Variants in SLC2A14 observed in about 807,000 individuals in gnomAD.
SLC2A14 encodes the protein solute carrier family 2 member 14, also known as solute carrier family 2, facilitated glucose transporter member 14.
A neutral mutation model predicts 43.0 loss-of-function variants in SLC2A14; 13 were observed. The ratio of observed to expected loss-of-function variants is 0.30; its 90% CI spans 0.20 to 0.48. The LOEUF is 0.48. Among genes scored for constraint, SLC2A14 ranks in the 20% least tolerant of loss-of-function variants. The probability of loss-of-function intolerance (pLI) is 0.99; values close to 1 mark genes in which losing one functional copy is unlikely to be tolerated. For synonymous variants in SLC2A14, 190 were observed against 233.8 expected (o/e 0.81, Z 1.71); for missense variants, 428 against 620.4 (o/e 0.69, Z 3.29).
intron 2 of SLC2A14, among the ~76,000 whole-genome samples, chr12:7,863,862 C>G (rs1020599411): frequency 6.7e-6 from 1 of 150,066 alleles, no homozygotes; most frequent in African/African-American, 2.5e-5. Context: ...GTTGCCCAGG[C>G]TGGGGTGCAG....
At chr12:7,845,753 TG>T (rs1282598900) in intron 2 of SLC2A14, among the ~76,000 whole-genome samples, 1 of 106,128 alleles carries the variant, frequency 9.4e-6, no homozygotes, top group African/African-American at 3.7e-5. Context: ...CACTCCAGCC[TG>T]GGCGACACAG....
Position 7,829,310 on chromosome 12 carries a change from A to G in SLC2A14, c.514-444T>C, listed in dbSNP as rs1864790884. 5.3e-5 allele frequency among the ~76,000 whole-genome samples: 8 copies of G among 152,140 alleles called. No homozygotes were observed. The South Asian group carries it at 1.7e-3, about 31-fold the overall frequency. On this transcript the variant is annotated intron_variant, in intron 5 of 10. Coordinates refer to ENST00000431042, the MANE Select transcript of SLC2A14 (RefSeq NM_001286234.2). ...GCACAGTGGCTCACACCTATAACCC[A>G]GAATTTTGGGAGGCCGAGGCGGGTG...
At chr12:7,831,252 GTT>G (rs35386927) in intron 4 of SLC2A14, 142,762 of 159,960 alleles carry the variant, frequency 0.89, 63,518 homozygotes, top group Admixed American at 0.93. Context: ...CCCCAGTTTT[GTT>G]TTTTTTTTTT....
intron 2 of SLC2A14, among the ~76,000 whole-genome samples, chr12:7,834,771 G>A (rs1359913134): frequency 6.6e-6 from 1 of 152,044 alleles, no homozygotes; most frequent in Non-Finnish European, 1.5e-5. Context: ...TTGGGCAAAT[G>A]GCACCTAGGA....
chr12:7,872,778 C>G (rs1297154527), intron 1 of SLC2A14, 29 bp downstream of exon 1: 2 of 985,504 alleles, frequency 2.0e-6, no homozygotes, highest in East Asian at 2.3e-4. Flanking sequence ...CCGCACCCCC[C>G]GGCCGCAGGG....
chr12:7,881,624 C>T (rs1295305512), intron 1 of SLC2A14, among the ~76,000 whole-genome samples: 5 of 152,160 alleles, frequency 3.3e-5, no homozygotes, highest in Non-Finnish European at 7.4e-5. Flanking sequence ...CTCCACGCGC[C>T]CAGTCCCATC....
At chr12:7,871,023 C>CA in intron 1 of SLC2A14, 1 of 1,434,512 alleles carries the variant, frequency 7.0e-7, no homozygotes, top group Non-Finnish European at 9.4e-7. Flanking sequence ...GACAGCACGA[C>CA]AAGCTGGCTT....
chr12:7,827,078 TC>T, intron 7 of SLC2A14, among the ~76,000 whole-genome samples: 1 of 43,898 alleles, frequency 2.3e-5, no homozygotes, highest in Non-Finnish European at 5.8e-5. Context: ...TCTCTCTCTT[TC>T]TTTCTTTCTT....
rs192191405 is a variant in SLC2A14 at position 7,818,970 on chromosome 12, C to A, written c.1071+512G>T. Among the ~76,000 whole-genome samples the A allele has an allele frequency of 2.6e-4, 40 of 152,254 alleles. 1 individual carries two copies. In the East Asian group the frequency reaches 5.2e-3, roughly 20 times the overall value. On this transcript the variant is annotated intron_variant, in intron 9 of 10. Coordinates refer to ENST00000431042, the MANE Select transcript of SLC2A14 (RefSeq NM_001286234.2). ...CAGTGGCTCATGCCTGTAATCCCAG[C>A]ACTTTGGGAGGCTGAGGCAGGTGGA...
At chr12:7,835,630 AACCAG>A (rs1865390402) in intron 2 of SLC2A14, among the ~76,000 whole-genome samples, 1 of 152,192 alleles carries the variant, frequency 6.6e-6, no homozygotes, top group Non-Finnish European at 1.5e-5. Context: ...CTAGTATGAT[AACCAG>A]GTGGAAAACA....
chr12:7,885,732 C>G (rs1945677043), intron 1 of SLC2A14, among the ~76,000 whole-genome samples: 1 of 151,898 alleles, frequency 6.6e-6, no homozygotes, highest in Non-Finnish European at 1.5e-5. Flanking sequence ...TCTGGGCCCA[C>G]CTACGAGATT....
intron 1 of SLC2A14, among the ~76,000 whole-genome samples, chr12:7,870,177 G>A (rs1945147725): frequency 6.6e-6 from 1 of 152,116 alleles, no homozygotes; most frequent in Non-Finnish European, 1.5e-5. Context: ...GGGTTCTGGG[G>A]AGAGACAGCT....
chr12:7,841,246 C>T (rs2120859291), intron 2 of SLC2A14, among the ~76,000 whole-genome samples: 1 of 152,178 alleles, frequency 6.6e-6, no homozygotes, highest in South Asian at 2.1e-4. Context: ...TGATACATCT[C>T]TTATATTATT....
chr12:7,854,935 G>C (rs1196641915), intron 2 of SLC2A14, among the ~76,000 whole-genome samples: 1 of 151,800 alleles, frequency 6.6e-6, no homozygotes, highest in Non-Finnish European at 1.5e-5. Flanking sequence ...TCAGCCTCCC[G>C]AGTAGCTGGG....
intron 1 of SLC2A14, 139 bp from the exon 2 acceptor site, chr12:7,870,076 T>C: frequency 1.9e-6 from 1 of 531,730 alleles, no homozygotes; most frequent in East Asian, 3.0e-5. Context: ...TATATAATTC[T>C]ATTGATGTTT....
intron 2 of SLC2A14, among the ~76,000 whole-genome samples, chr12:7,838,323 C>G (rs1401150130): frequency 6.9e-6 from 1 of 145,868 alleles, no homozygotes; most frequent in Non-Finnish European, 1.5e-5. Context: ...CCTGACCTTG[C>G]GATCCACCTG....
chr12:7,873,413 G>T (rs1349116752), upstream of SLC2A14: 2 of 964,696 alleles, frequency 2.1e-6, no homozygotes, highest in Non-Finnish European at 2.5e-6. Flanking sequence ...AGGCCGAGGA[G>T]AGCGGATAAC....
In SLC2A14 at chr12:7,882,083, A is replaced by G. The variant is rs781466188; in HGVS notation, c.132+8913T>C. Among the ~76,000 whole-genome samples, 12 of 151,988 alleles carry G rather than the reference A, an allele frequency of 7.9e-5. 1 individual carries two copies. The South Asian group carries it at 1.9e-3, about 24-fold the overall frequency. On this transcript the variant is annotated intron_variant, in intron 1 of 9. Transcript: ENST00000539924. ...GTAACATGTTGGCCTCCCTTTCTAC[A>G]CTTGGAGGCTTTGTTCTTTTTTTCT...
At chr12:7,857,555 T>G (rs1378642976) in intron 2 of SLC2A14, among the ~76,000 whole-genome samples, 1 of 152,094 alleles carries the variant, frequency 6.6e-6, no homozygotes, top group Non-Finnish European at 1.5e-5. Context: ...GCCATTGCAC[T>G]CCAGCCTGGG....
Sources: allele counts gnomAD v4.1 joint callset (sites outside exome capture counted in the v4.1 genomes callset), GRCh38; gene constraint gnomAD v4.1.1; transcripts MANE v1.5; gene names NCBI Gene and HGNC (gene_info 2026-07-23, HGNC 2026-07-21).